The following ARHGAP42 variants were observed in gnomAD, a reference collection of about 807,000 sequenced individuals.
ARHGAP42 encodes the protein rho GTPase-activating protein 42.
ARHGAP42 carries 63 observed loss-of-function variants against 125.0 expected under a neutral mutation model. The ratio of observed to expected loss-of-function variants is 0.50; its 90% confidence interval spans 0.41 to 0.62. ARHGAP42 has a LOEUF of 0.62. Ranked by LOEUF, ARHGAP42 falls within the 20% of genes least tolerant of loss-of-function variation. The pLI, the probability that ARHGAP42 is intolerant of heterozygous loss-of-function variation, is 0.00. For synonymous variants in ARHGAP42, 339 were observed against 351.0 expected (o/e 0.97, Z 0.38); for missense variants, 766 against 1,024.2 (o/e 0.75, Z 3.44).
chr11:100,776,595 A>G (rs946124582), intron 2 of ARHGAP42, among the ~76,000 whole-genome samples: 2 of 152,146 alleles, frequency 1.3e-5, no homozygotes, highest in African/African-American at 2.4e-5. Context: ...TCCCCCAGCT[A>G]TTTCTGACAT....
chr11:100,822,584 T>C (rs969705412), intron 3 of ARHGAP42, among the ~76,000 whole-genome samples: 4 of 152,170 alleles, frequency 2.6e-5, no homozygotes, highest in Non-Finnish European at 5.9e-5. Flanking sequence ...GTGGGGATGA[T>C]TGAATTATTT....
At chr11:100,689,619 G>T (rs562031221) in intron 1 of ARHGAP42, among the ~76,000 whole-genome samples, 1 of 152,310 alleles carries the variant, frequency 6.6e-6, no homozygotes, top group Admixed American at 6.5e-5. Flanking sequence ...CATAAGTGAA[G>T]AAATCTTGGG....
chr11:100,872,360 G>GT (rs890028274), intron 4 of ARHGAP42, among the ~76,000 whole-genome samples: 46 of 151,784 alleles, frequency 3.0e-4, no homozygotes, highest in African/African-American at 1.1e-3. Context: ...CTATGTTTTA[G>GT]TTTTTTTTCT....
chr11:100,868,194 C>T (rs149303765), intron 4 of ARHGAP42, among the ~76,000 whole-genome samples: 3 of 152,216 alleles, frequency 2.0e-5, no homozygotes, highest in Non-Finnish European at 2.9e-5. Context: ...TTTCCAGACA[C>T]GTGGGTGCCT....
chr11:100,959,814 A>G, intron 12 of ARHGAP42, 69 bp from the exon 13 acceptor site: 1 of 1,430,628 alleles, frequency 7.0e-7, no homozygotes, highest in African/African-American at 1.4e-5. Context: ...GGCCCAGTGA[A>G]CAGAGCCAAC....
chr11:100,934,356 C>G (rs1272681941), intron 7 of ARHGAP42, among the ~76,000 whole-genome samples: 1 of 151,542 alleles, frequency 6.6e-6, no homozygotes, highest in East Asian at 1.9e-4. Context: ...TTGTTACAAT[C>G]TCAGCATATT....
At chr11:100,813,178 T>G (rs756521935) in intron 3 of ARHGAP42, among the ~76,000 whole-genome samples, 4 of 152,202 alleles carry the variant, frequency 2.6e-5, no homozygotes, top group Non-Finnish European at 5.9e-5. Flanking sequence ...TTTCTCCACC[T>G]CAGCACTGTT....
intron 10 of ARHGAP42, 37 bp from the exon 11 acceptor site, chr11:100,948,420 A>T: frequency 7.1e-7 from 1 of 1,401,470 alleles, no homozygotes; most frequent in South Asian, 1.4e-5. Flanking sequence ...AAAAAGTAGT[A>T]AATGTGTAAA....
chr11:100,709,729 T>C (rs538060447), intron 1 of ARHGAP42, among the ~76,000 whole-genome samples: 8 of 152,346 alleles, frequency 5.3e-5, no homozygotes, highest in African/African-American at 1.2e-4. Context: ...GTGATACTTA[T>C]GTGTGAGTAA....
At chr11:100,873,771 G>GA (rs1299698837) in intron 4 of ARHGAP42, among the ~76,000 whole-genome samples, 1 of 152,158 alleles carries the variant, frequency 6.6e-6, no homozygotes, top group Non-Finnish European at 1.5e-5. Context: ...CTGAGCCACA[G>GA]AAAGGGCAAT....
chr11:100,837,951 A>ATTTTATTTTATT (rs55861116), intron 3 of ARHGAP42, among the ~76,000 whole-genome samples: 8 of 150,434 alleles, frequency 5.3e-5, no homozygotes, highest in Non-Finnish European at 1.0e-4. Context: ...ATTTTATTTT[A>ATTTTATTTTATT]CTAGGAGACA....
At chr11:100,949,229 G>A (rs948840218) in intron 11 of ARHGAP42, among the ~76,000 whole-genome samples, 3 of 152,000 alleles carry the variant, frequency 2.0e-5, no homozygotes, top group Admixed American at 6.6e-5. Context: ...CAAACAAAGT[G>A]TGGTCCTCAG....
intron 2 of ARHGAP42, among the ~76,000 whole-genome samples, chr11:100,793,364 C>A (rs1381365908): frequency 6.6e-6 from 1 of 152,160 alleles, no homozygotes; most frequent in African/African-American, 2.4e-5. Flanking sequence ...TGTATTATAA[C>A]ATTAATACCA....
At chr11:100,811,326 A>T (rs551673994) in intron 3 of ARHGAP42, among the ~76,000 whole-genome samples, 2 of 152,186 alleles carry the variant, frequency 1.3e-5, no homozygotes, top group African/African-American at 4.8e-5. Context: ...ACAACTCTGG[A>T]TTTAATGAAA....
intron 1 of ARHGAP42, among the ~76,000 whole-genome samples, chr11:100,713,118 TCTC>T (rs577494760): frequency 1.2e-4 from 19 of 152,212 alleles, no homozygotes; most frequent in Non-Finnish European, 2.2e-4. Context: ...CCATAAGTGT[TCTC>T]CTGGAAAACA....
intron 1 of ARHGAP42, among the ~76,000 whole-genome samples, chr11:100,757,692 G>A (rs973699846): frequency 6.6e-6 from 1 of 152,130 alleles, no homozygotes; most frequent in Non-Finnish European, 1.5e-5. Context: ...ATGTCAAAAT[G>A]GGGTAGGATA....
At chr11:100,833,086 C>CTGCCATTTT (rs1450569674) in intron 3 of ARHGAP42, among the ~76,000 whole-genome samples, 1 of 152,198 alleles carries the variant, frequency 6.6e-6, no homozygotes, top group Non-Finnish European at 1.5e-5. Flanking sequence ...ATCTGAATAT[C>CTGCCATTTT]TGCCATTTTT....
At chr11:100,735,447 G>C (rs1862046658) in intron 1 of ARHGAP42, among the ~76,000 whole-genome samples, 1 of 151,692 alleles carries the variant, frequency 6.6e-6, no homozygotes, top group South Asian at 2.1e-4. Flanking sequence ...AGTTTTACAG[G>C]GGCTTTAAAA....
intron 12 of ARHGAP42, among the ~76,000 whole-genome samples, chr11:100,954,072 CAGA>C (rs1402300994): frequency 6.6e-6 from 1 of 152,128 alleles, no homozygotes; most frequent in Non-Finnish European, 1.5e-5. Context: ...CAGTCATTTA[CAGA>C]GGCAAAAGCA....
Sources: allele counts gnomAD v4.1 joint callset (sites outside exome capture counted in the v4.1 genomes callset), GRCh38; gene constraint gnomAD v4.1.1; transcripts MANE v1.5; gene names NCBI Gene and HGNC (gene_info 2026-07-23, HGNC 2026-07-21).